MACROD2: variants seen among roughly 807,000 people sequenced by gnomAD.
The protein encoded by MACROD2 is ADP-ribose glycohydrolase MACROD2.
A neutral mutation model predicts 70.4 loss-of-function variants in MACROD2; 36 were observed. The observed-to-expected ratio is 0.51, with a 90% CI of 0.39 to 0.68. The LOEUF (loss-of-function observed/expected upper bound fraction) is 0.68. MACROD2 is among the 30% of genes least tolerant of loss of function. MACROD2 has a pLI of 0.00. For synonymous variants in MACROD2, 172 were observed against 178.8 expected (o/e 0.96, Z 0.30); for missense variants, 496 against 538.4 (o/e 0.92, Z 0.78).
chr20:15,978,586 CT>C (rs754499546), intron 13 of MACROD2, among the ~76,000 whole-genome samples: 2 of 81,520 alleles, frequency 2.5e-5, no homozygotes, highest in African/African-American at 3.6e-5. Context: ...CCTTGGGTCT[CT>C]CTCTCTCTCT....
chr20:15,185,746 C>G (rs903389186), intron 5 of MACROD2, among the ~76,000 whole-genome samples: 1 of 152,130 alleles, frequency 6.6e-6, no homozygotes, highest in South Asian at 2.1e-4. Context: ...AACTATGAAC[C>G]AGAGGCCATC....
In MACROD2 at chr20:14,465,960, C is replaced by T. The variant is rs565717340; in HGVS notation, c.272-27519C>T. ...AACCTGACCTTTCTCTCTGGCTGCC[C>T]TTAACATTTTTTCCTTCATTTCAAC... On this transcript the variant is annotated intron_variant, in intron 3 of 17. Coordinates refer to ENST00000684519, the MANE Select transcript of MACROD2 (RefSeq NM_001351661.2). Among the ~76,000 whole-genome samples the T allele has an allele frequency of 8.5e-5, 13 of 152,178 alleles. No homozygotes were observed. The South Asian group carries it at 2.3e-3, about 27-fold the overall frequency.
At chr20:15,704,337 G>A (rs1456545070) in intron 8 of MACROD2, among the ~76,000 whole-genome samples, 1 of 151,910 alleles carries the variant, frequency 6.6e-6, no homozygotes, top group African/African-American at 2.4e-5. Flanking sequence ...AATAATTCCT[G>A]TTCACAAATA....
chr20:15,361,222 G>A (rs1433976379), intron 6 of MACROD2, among the ~76,000 whole-genome samples: 2 of 152,084 alleles, frequency 1.3e-5, no homozygotes, highest in Non-Finnish European at 2.9e-5. Context: ...ATCTATTTGA[G>A]TTCACTTTTG....
At chr20:15,526,966 C>T (rs757984128) in intron 8 of MACROD2, among the ~76,000 whole-genome samples, 11 of 152,128 alleles carry the variant, frequency 7.2e-5, no homozygotes, top group African/African-American at 2.4e-4. Flanking sequence ...TATCTCACCA[C>T]GTATTGGAAA....
At chr20:14,829,028 T>G (rs2072932978) in intron 5 of MACROD2, among the ~76,000 whole-genome samples, 1 of 151,500 alleles carries the variant, frequency 6.6e-6, no homozygotes, top group Admixed American at 6.6e-5. Flanking sequence ...CCTATCAAGC[T>G]ATCACCTAGG....
chr20:14,638,583 C>T (rs1169174516), intron 4 of MACROD2, among the ~76,000 whole-genome samples: 1 of 152,134 alleles, frequency 6.6e-6, no homozygotes, highest in Non-Finnish European at 1.5e-5. Flanking sequence ...CTTACCCTCT[C>T]ATTTGCTCAG....
chr20:15,074,336 A>T (rs1200910033), intron 5 of MACROD2, among the ~76,000 whole-genome samples: 1 of 152,214 alleles, frequency 6.6e-6, no homozygotes, highest in African/African-American at 2.4e-5. Context: ...AGCTTGTATA[A>T]AAACCTGAAA....
At chr20:15,394,407 T>C (rs892930237) in intron 6 of MACROD2, among the ~76,000 whole-genome samples, 1 of 152,196 alleles carries the variant, frequency 6.6e-6, no homozygotes, top group African/African-American at 2.4e-5. Context: ...TCTCAGCTTT[T>C]TATGGCCTGC....
At chr20:14,969,179 A>G (rs905583795) in intron 5 of MACROD2, among the ~76,000 whole-genome samples, 1 of 151,672 alleles carries the variant, frequency 6.6e-6, no homozygotes, top group Non-Finnish European at 1.5e-5. Flanking sequence ...ATATATATAT[A>G]AATCTGTACA....
At chr20:15,797,032 A>G (rs546241971) in intron 8 of MACROD2, among the ~76,000 whole-genome samples, 1 of 152,200 alleles carries the variant, frequency 6.6e-6, no homozygotes, top group Non-Finnish European at 1.5e-5. Flanking sequence ...TTAGGTGCTC[A>G]AAAATGTCCT....
chr20:15,920,749 A>G (rs1263033506), intron 10 of MACROD2, among the ~76,000 whole-genome samples: 2 of 152,182 alleles, frequency 1.3e-5, no homozygotes, highest in South Asian at 2.1e-4. Flanking sequence ...CCTGCTAGCT[A>G]TGGGTGCTTT....
chr20:15,051,107 A>T (rs896467783), intron 5 of MACROD2, among the ~76,000 whole-genome samples: 1 of 147,584 alleles, frequency 6.8e-6, no homozygotes, highest in Non-Finnish European at 1.5e-5. Context: ...TGCCAAGAGA[A>T]CCCACTTTTC....
chr20:15,919,038 A>T (rs2065361887), intron 10 of MACROD2, among the ~76,000 whole-genome samples: 1 of 152,192 alleles, frequency 6.6e-6, no homozygotes, highest in South Asian at 2.1e-4. Flanking sequence ...ACTTGCAGAG[A>T]TCTCTCTTTT....
At chr20:15,826,700 T>C (rs1234221392) in intron 8 of MACROD2, among the ~76,000 whole-genome samples, 1 of 152,196 alleles carries the variant, frequency 6.6e-6, no homozygotes, top group Non-Finnish European at 1.5e-5. Flanking sequence ...ATAAATTATA[T>C]GAGTGCAAAA....
At chr20:14,753,647 G>C (rs1444778815) in intron 5 of MACROD2, among the ~76,000 whole-genome samples, 1 of 152,082 alleles carries the variant, frequency 6.6e-6, no homozygotes, top group East Asian at 1.9e-4. Flanking sequence ...GAGAACTCTT[G>C]CTTTACATTA....
chr20:15,305,534 C>T (rs910609359), intron 6 of MACROD2, among the ~76,000 whole-genome samples: 7 of 152,002 alleles, frequency 4.6e-5, no homozygotes, highest in Non-Finnish European at 8.8e-5. Flanking sequence ...CAAGTCCAGT[C>T]GAGTTACTGT....
At chr20:15,349,139 C>G (rs1337000949) in intron 6 of MACROD2, among the ~76,000 whole-genome samples, 1 of 152,076 alleles carries the variant, frequency 6.6e-6, no homozygotes, top group Non-Finnish European at 1.5e-5. Flanking sequence ...CTTTCAGAAA[C>G]CACCCAGTGC....
chr20:14,473,231 A>G (rs2084550856), intron 3 of MACROD2, among the ~76,000 whole-genome samples: 1 of 152,132 alleles, frequency 6.6e-6, no homozygotes, highest in African/African-American at 2.4e-5. Context: ...CTACTGTGCA[A>G]TAGAACTGGA....
Sources: gnomAD v4.1 joint callset for allele counts (sites outside exome capture counted in the v4.1 genomes callset) on GRCh38, gnomAD v4.1.1 for gene constraint, MANE v1.5 for transcripts, NCBI Gene and HGNC (gene_info 2026-07-23, HGNC 2026-07-21) for gene names.